SLC4A7: variants seen among roughly 807,000 people sequenced by gnomAD.
SLC4A7 encodes solute carrier family 4 member 7.
In SLC4A7, 51 loss-of-function variants were observed where a neutral mutation model predicts 137.6. The ratio of observed to expected loss-of-function variants is 0.37; its 90% CI spans 0.30 to 0.47. The LOEUF (loss-of-function observed/expected upper bound fraction) is 0.47, where lower values mean the gene tolerates loss of function less well. SLC4A7 is among the 20% of genes least tolerant of loss of function. SLC4A7 has a pLI of 1.00. For missense variants in SLC4A7, 1,247 were observed against 1,525.4 expected (o/e 0.82, Z 3.04); for synonymous variants, 542 against 518.6 (o/e 1.05, Z -0.61).
chr3:27,408,317 C>T (rs536260270), intron 13 of SLC4A7, among the ~76,000 whole-genome samples: 5 of 152,150 alleles, frequency 3.3e-5, no homozygotes, highest in Admixed American at 6.5e-5. Context: ...ATGATGGTAA[C>T]AGATAAAACA....
At chr3:27,396,671 T>G (rs577962051) in intron 18 of SLC4A7, among the ~76,000 whole-genome samples, 4 of 152,238 alleles carry the variant, frequency 2.6e-5, no homozygotes, top group Admixed American at 2.6e-4. Flanking sequence ...AAAATGATCT[T>G]CATTATATTC....
Position 27,383,136 on chromosome 3 carries a change from A to C in SLC4A7, c.3590+17T>G, listed in dbSNP as rs374556616. 3.4e-5 allele frequency: 51 copies of C among 1,492,508 alleles called. No homozygotes were observed. The African/African-American group carries it at 6.6e-4, about 19-fold the overall frequency. 92.5% of individuals were successfully genotyped at this position (1,492,508 alleles called of 1,614,324 possible). The stretch of plus-strand genomic sequence containing the variant: ...GACATGCATATAAAAGTTTTAGAGC[A>C]TAAAGTCATATCTCACCTATATTTT... On this transcript the variant is annotated intron_variant, in intron 24 of 25. Transcript: ENST00000454389.
chr3:27,417,567 A>C (rs2054514293), intron 11 of SLC4A7, among the ~76,000 whole-genome samples: 2 of 152,156 alleles, frequency 1.3e-5, no homozygotes, highest in African/African-American at 4.8e-5. Flanking sequence ...CAGCCTGCAC[A>C]ACAAAGTGAG....
rs559072363 is a variant in SLC4A7, at chr3:27,469,247, G to T, written c.60+14820C>A. 5.9e-5 allele frequency among the ~76,000 whole-genome samples: 9 copies of T among 152,232 alleles called. No homozygotes were observed. In the South Asian group the frequency reaches 1.2e-3, roughly 21 times the overall value. On this transcript the variant is annotated intron_variant, in intron 1 of 25. Transcript: ENST00000454389. Reference sequence around the variant, plus strand: ...CAAATGTCAGGGGATTTCTCCCCACGAGCAAGCCAAGTAAGCAATCAATTC... The same window carrying T: ...CAAATGTCAGGGGATTTCTCCCCACTAGCAAGCCAAGTAAGCAATCAATTC...
intron 25 of SLC4A7, among the ~76,000 whole-genome samples, chr3:27,377,893 C>T (rs143941543): frequency 4.1e-4 from 62 of 152,256 alleles, no homozygotes; most frequent in African/African-American, 1.4e-3. Flanking sequence ...AACAACATAG[C>T]CAAGATATTC....
chr3:27,425,648 C>G (rs565493483), intron 7 of SLC4A7, among the ~76,000 whole-genome samples: 24 of 130,306 alleles, frequency 1.8e-4, no homozygotes, highest in African/African-American at 6.7e-4. Context: ...TGCACTCCAG[C>G]CTGGGCAACA....
intron 2 of SLC4A7, among the ~76,000 whole-genome samples, chr3:27,451,492 A>C (rs1443265924): frequency 6.6e-6 from 1 of 152,006 alleles, no homozygotes; most frequent in Non-Finnish European, 1.5e-5. Flanking sequence ...ACCTCCACCT[A>C]CTCATGCCAA....
chr3:27,379,953 T>C (rs75022086), intron 24 of SLC4A7, among the ~76,000 whole-genome samples: 1,577 of 152,348 alleles, frequency 0.01, 17 homozygotes, highest in Middle Eastern at 0.031. Flanking sequence ...GTACCACTTT[T>C]ACCTGTTATT....
chr3:27,443,028 T>TC (rs2057329116), intron 3 of SLC4A7, among the ~76,000 whole-genome samples: 1 of 127,126 alleles, frequency 7.9e-6, no homozygotes, highest in Non-Finnish European at 1.7e-5. Flanking sequence ...TTTTTTCTTT[T>TC]TTTCTTTTTT....
In SLC4A7 at chr3:27,398,231, G is replaced by A; in HGVS notation, c.2550C>T (p.Phe850=). The part of the protein sequence containing the change: ...LFFTTFFLSS[F]LKQFKTKRYF... ...AACGCTTGGTCTTAAATTGCTTGAG[G>A]AATGAAGACAGAAAAAATGTTGTGA... The change falls in exon 17 of 26, where the codon TTC becomes TTT. Residue 850 remains phenylalanine (F), a synonymous_variant. Coordinates refer to ENST00000454389, the MANE Select transcript of SLC4A7 (RefSeq NM_001321103.2). The A allele has an allele frequency of 6.2e-7, 1 of 1,612,920 alleles. No homozygotes were observed. Among genetic ancestry groups the A allele is most frequent in the Non-Finnish European group, 8.5e-7 (1 of 1,179,138 alleles).
At chr3:27,407,465 C>T (rs1321857931) in intron 13 of SLC4A7, among the ~76,000 whole-genome samples, 1 of 145,528 alleles carries the variant, frequency 6.9e-6, no homozygotes, top group Non-Finnish European at 1.5e-5. Context: ...GGTGACGGAG[C>T]GAGACTCCGC....
chr3:27,380,276 C>T (rs2050287164), intron 24 of SLC4A7, among the ~76,000 whole-genome samples: 1 of 148,516 alleles, frequency 6.7e-6, no homozygotes, highest in Non-Finnish European at 1.5e-5. Flanking sequence ...CACTGCACTC[C>T]AGCCTAGGCG....
intron 1 of SLC4A7, among the ~76,000 whole-genome samples, chr3:27,470,490 A>T (rs990453770): frequency 6.6e-6 from 1 of 151,840 alleles, no homozygotes; most frequent in Non-Finnish European, 1.5e-5. Flanking sequence ...TATATATATG[A>T]CTGATACATA....
chr3:27,443,561 GC>G (rs2057381109), intron 3 of SLC4A7, among the ~76,000 whole-genome samples: 1 of 151,396 alleles, frequency 6.6e-6, no homozygotes, highest in African/African-American at 2.4e-5. Flanking sequence ...CTTACAATGT[GC>G]CCTATTTTTT....
chr3:27,446,116 A>ACG (rs1455164224), intron 3 of SLC4A7, among the ~76,000 whole-genome samples: 2 of 93,240 alleles, frequency 2.1e-5, no homozygotes, highest in Non-Finnish European at 5.0e-5. Flanking sequence ...TCATTTAACT[A>ACG]TGTGTGTGTG....
chr3:27,436,895 ATTAT>A (rs1559764006), intron 4 of SLC4A7, among the ~76,000 whole-genome samples: 1 of 152,174 alleles, frequency 6.6e-6, no homozygotes, highest in African/African-American at 2.4e-5. Context: ...AGTATAAAGG[ATTAT>A]TTAAGTAAAC....
At chr3:27,417,860 G>A (rs1188834173) in intron 11 of SLC4A7, among the ~76,000 whole-genome samples, 1 of 152,174 alleles carries the variant, frequency 6.6e-6, no homozygotes, top group Non-Finnish European at 1.5e-5. Flanking sequence ...CTGTCGGTGA[G>A]GATGCAGGGA....
At position 27,376,683 on chromosome 3, in the gene SLC4A7, CAA is replaced by C. The variant is rs2049919504; in HGVS notation, c.*79_*80del. 2 of 864,138 alleles carry C rather than the reference CAA, an allele frequency of 2.3e-6. No homozygotes were observed. The highest frequency in any genetic ancestry group is 3.7e-6 in the Non-Finnish European group (2 of 539,612). The allele number at this position is 864,138 out of a possible 1,614,324, so 53.5% of individuals were successfully genotyped here. ...AGTCACACATAAACAGCATGACATA[CAA>C]TATTCTTATATATAGTGACATGATA... On this transcript the variant is annotated 3_prime_UTR_variant, in exon 26 of 26. Coordinates refer to ENST00000454389, the MANE Select transcript of SLC4A7 (RefSeq NM_001321103.2).
chr3:27,462,043 C>G (rs1354902252), intron 1 of SLC4A7, among the ~76,000 whole-genome samples: 1 of 152,026 alleles, frequency 6.6e-6, no homozygotes, highest in African/African-American at 2.4e-5. Flanking sequence ...ACTAGATATT[C>G]AACAAATGGA....
Sources: allele counts gnomAD v4.1 joint callset (sites outside exome capture counted in the v4.1 genomes callset), GRCh38; gene constraint gnomAD v4.1.1; transcripts MANE v1.5; gene names NCBI Gene and HGNC (gene_info 2026-07-23, HGNC 2026-07-21).